Variants in CSMD1 observed in about 807,000 individuals in gnomAD.
CSMD1 encodes CUB and Sushi multiple domains 1, also known as CUB and sushi domain-containing protein 1.
CSMD1 carries 213 observed loss-of-function variants against 417.5 expected under a neutral mutation model. That is an observed-to-expected ratio of 0.51 (90% CI 0.46 to 0.57). The LOEUF (loss-of-function observed/expected upper bound fraction) is 0.57. Ranked by LOEUF, CSMD1 falls within the 20% of genes least tolerant of loss-of-function variation. The pLI is 0.00. For missense variants in CSMD1, 6,923 were observed against 4,529.7 expected (o/e 1.53, Z -15.17); for synonymous variants, 2,862 against 1,736.8 (o/e 1.65, Z -16.11).
At chr8:4,154,507 G>T (rs1796728226) in intron 3 of CSMD1, among the ~76,000 whole-genome samples, 1 of 152,138 alleles carries the variant, frequency 6.6e-6, no homozygotes, top group Non-Finnish European at 1.5e-5. Flanking sequence ...ACTGTGTGCA[G>T]ACAAGAGCCA....
chr8:4,749,286 C>A (rs1357212627), intron 1 of CSMD1, among the ~76,000 whole-genome samples: 1 of 152,214 alleles, frequency 6.6e-6, no homozygotes, highest in Non-Finnish European at 1.5e-5. Flanking sequence ...CTACAGATTT[C>A]TTCCAAGGTT....
At chr8:4,174,365 G>C (rs1257898056) in intron 3 of CSMD1, among the ~76,000 whole-genome samples, 1 of 152,106 alleles carries the variant, frequency 6.6e-6, no homozygotes, top group Non-Finnish European at 1.5e-5. Context: ...CTCTGAGAGA[G>C]CAAGTCATTT....
In CSMD1 at chr8:3,705,523, C is replaced by A. The variant is rs958657347; in HGVS notation, c.1009+2891G>T. ...CCACTGCTGTCACTTCTTTTACTCC[C>A]AGGGGAGTCTTCTGAAAAAGAACGA... On this transcript the variant is annotated intron_variant, in intron 7 of 69. Transcript: ENST00000635120. Among the ~76,000 whole-genome samples the A allele has an allele frequency of 4.6e-5, 7 of 152,164 alleles. No individual in the cohort carries two copies. In the East Asian group the frequency reaches 1.2e-3, roughly 25 times the overall value.
intron 26 of CSMD1, among the ~76,000 whole-genome samples, chr8:3,235,297 C>T (rs997937567): frequency 3.9e-5 from 6 of 152,086 alleles, no homozygotes; most frequent in Admixed American, 3.3e-4. Context: ...ATTTCTCATT[C>T]CCATATTTTT....
intron 52 of CSMD1, among the ~76,000 whole-genome samples, chr8:3,015,038 T>C (rs1306225777): frequency 2.0e-5 from 3 of 151,778 alleles, no homozygotes; most frequent in Non-Finnish European, 4.4e-5. Flanking sequence ...CCCACAAATA[T>C]AAACACCTAA....
At chr8:3,612,170 C>G (rs1464419503) in intron 8 of CSMD1, among the ~76,000 whole-genome samples, 1 of 151,970 alleles carries the variant, frequency 6.6e-6, no homozygotes, top group Admixed American at 6.6e-5. Flanking sequence ...AAATGTAAGA[C>G]AAATTTGATT....
chr8:3,309,108 C>T (rs953520114), intron 23 of CSMD1, among the ~76,000 whole-genome samples: 6 of 151,782 alleles, frequency 4.0e-5, no homozygotes, highest in Non-Finnish European at 8.8e-5. Context: ...CTGGTGAGCC[C>T]CAATGCCCTC....
At chr8:2,995,112 A>C (rs1313301882) in intron 54 of CSMD1, among the ~76,000 whole-genome samples, 2 of 152,208 alleles carry the variant, frequency 1.3e-5, no homozygotes, top group African/African-American at 4.8e-5. Flanking sequence ...GTCAAACGAG[A>C]GACTGGGAAA....
chr8:3,712,903 G>A (rs909886003), intron 6 of CSMD1, among the ~76,000 whole-genome samples: 5 of 152,092 alleles, frequency 3.3e-5, no homozygotes, highest in Non-Finnish European at 7.4e-5. Context: ...TTTGACAGAA[G>A]GAATAAGTTC....
intron 5 of CSMD1, among the ~76,000 whole-genome samples, chr8:3,982,154 T>A (rs1171172394): frequency 1.6e-5 from 2 of 124,902 alleles, no homozygotes; most frequent in Admixed American, 9.1e-5. Context: ...CGAGGCTCTA[T>A]CTCAAAAATA....
At chr8:4,543,440 T>C (rs1332964797) in intron 2 of CSMD1, among the ~76,000 whole-genome samples, 1 of 152,130 alleles carries the variant, frequency 6.6e-6, no homozygotes, top group Non-Finnish European at 1.5e-5. Flanking sequence ...ATTGTGCAGT[T>C]AAGTTTCCTC....
At chr8:4,040,418 C>T (rs1357488714) in intron 3 of CSMD1, among the ~76,000 whole-genome samples, 1 of 152,102 alleles carries the variant, frequency 6.6e-6, no homozygotes, top group Non-Finnish European at 1.5e-5. Context: ...ATTTCCAGGA[C>T]AGGTAACTGT....
chr8:4,114,135 T>TA (rs774604368), intron 3 of CSMD1, among the ~76,000 whole-genome samples: 8 of 152,174 alleles, frequency 5.3e-5, no homozygotes, highest in Non-Finnish European at 1.0e-4. Flanking sequence ...GGAAAGAGGG[T>TA]AAGTCAATGC....
At chr8:3,532,072 C>A (rs1427855226) in intron 10 of CSMD1, among the ~76,000 whole-genome samples, 1 of 152,190 alleles carries the variant, frequency 6.6e-6, no homozygotes, top group African/African-American at 2.4e-5. Context: ...ATGATTAGCT[C>A]GTCTATGAAA....
At position 3,918,024 on chromosome 8, in the gene CSMD1, A is replaced by C. The variant is rs183865388; in HGVS notation, c.818+79879T>G. Among the ~76,000 whole-genome samples the C allele has an allele frequency of 3.2e-4, 49 of 152,122 alleles. No homozygotes were observed. In the East Asian group the frequency reaches 9.3e-3, roughly 29 times the overall value. On this transcript the variant is annotated intron_variant, in intron 5 of 69. Transcript: ENST00000635120. ...TCACGCATGCTGTTGCAAATGGCAC[A>C]ATTTCCTTCTTTTTTAAGGGGTGAG...
At chr8:3,305,175 A>G (rs186318008) in intron 25 of CSMD1, among the ~76,000 whole-genome samples, 3 of 152,150 alleles carry the variant, frequency 2.0e-5, no homozygotes, top group South Asian at 2.1e-4. Context: ...GTGAGCCGCT[A>G]TGCCTGGCCT....
At chr8:3,710,079 G>A (rs764324743) in intron 6 of CSMD1, among the ~76,000 whole-genome samples, 14 of 151,972 alleles carry the variant, frequency 9.2e-5, no homozygotes, top group Non-Finnish European at 1.8e-4. Flanking sequence ...TTAACATATA[G>A]ACTCATATCT....
At chr8:3,644,660 G>C (rs916083096) in intron 7 of CSMD1, among the ~76,000 whole-genome samples, 7 of 152,104 alleles carry the variant, frequency 4.6e-5, no homozygotes, top group African/African-American at 1.7e-4. Context: ...AGGGCAGCAG[G>C]TTCAAGTGGC....
intron 3 of CSMD1, among the ~76,000 whole-genome samples, chr8:4,069,290 T>G (rs1004457328): frequency 5.9e-5 from 9 of 152,216 alleles, no homozygotes; most frequent in African/African-American, 1.9e-4. Context: ...AGGAGGTCAT[T>G]ATTTTTTGAC....
Sources: allele counts gnomAD v4.1 joint callset (sites outside exome capture counted in the v4.1 genomes callset), GRCh38; gene constraint gnomAD v4.1.1; transcripts MANE v1.5; gene names NCBI Gene and HGNC (gene_info 2026-07-23, HGNC 2026-07-21).